The following EEF2K variants were observed in gnomAD, a reference collection of about 807,000 sequenced individuals.
The protein encoded by EEF2K is alternative protein EEF2K.
In EEF2K, 70 loss-of-function variants were observed where a neutral mutation model predicts 93.8. That is an observed-to-expected ratio of 0.75 (90% CI 0.62 to 0.91). The LOEUF is 0.91. Ranked by LOEUF, EEF2K falls within the 40% of genes least tolerant of loss-of-function variation. The pLI is 0.00. For synonymous variants in EEF2K, 376 were observed against 380.8 expected (o/e 0.99, Z 0.15); for missense variants, 935 against 972.9 (o/e 0.96, Z 0.52).
intron 2 of EEF2K, among the ~76,000 whole-genome samples, chr16:22,234,469 A>G (rs1253582877): frequency 2.0e-5 from 3 of 152,116 alleles, no homozygotes; most frequent in Non-Finnish European, 4.4e-5. Flanking sequence ...AGGCAGGGGA[A>G]TCACTTGAAC....
In EEF2K at chr16:22,250,650, T is replaced by A; in HGVS notation, c.409-4T>A. The A allele has an allele frequency of 6.2e-7, 1 of 1,614,200 alleles. No individual in the cohort carries two copies. Among genetic ancestry groups the A allele is most frequent in the East Asian group, 2.2e-5 (1 of 44,884 alleles). On this transcript the variant is annotated splice_polypyrimidine_tract_variant and splice_region_variant and intron_variant, in intron 4 of 17. Transcript: ENST00000263026. Reference sequence around the variant, plus strand: ...CTGATAACACTCTGTGTGGTGTCTTTCAGCCCTTCGGCCGAGGAGCAATGA... The same window carrying A: ...CTGATAACACTCTGTGTGGTGTCTTACAGCCCTTCGGCCGAGGAGCAATGA...
intron 13 of EEF2K, 136 bp from the exon 14 acceptor site, chr16:22,266,254 C>T: frequency 7.5e-7 from 1 of 1,335,202 alleles, no homozygotes; most frequent in African/African-American, 1.5e-5. Flanking sequence ...CATGTTTTGC[C>T]AATAAACTTT....
intron 6 of EEF2K, among the ~76,000 whole-genome samples, chr16:22,256,372 A>AGC (rs2047398898): frequency 6.6e-6 from 1 of 152,062 alleles, no homozygotes; most frequent in African/African-American, 2.4e-5. Flanking sequence ...GGCTGGGATT[A>AGC]CAGGTGTGAG....
At chr16:22,274,963 G>C (rs1339070054) in intron 16 of EEF2K, among the ~76,000 whole-genome samples, 1 of 152,302 alleles carries the variant, frequency 6.6e-6, no homozygotes, top group South Asian at 2.1e-4. Context: ...ATGTAAAGGG[G>C]CTTGCCCATG....
At chr16:22,260,619 G>T in intron 11 of EEF2K, 90 bp downstream of exon 11, 9 of 1,548,336 alleles carry the variant, frequency 5.8e-6, no homozygotes, top group Non-Finnish European at 7.1e-6. Flanking sequence ...AGCTTCGGAG[G>T]TGGGCAGCCT....
intron 16 of EEF2K, among the ~76,000 whole-genome samples, chr16:22,273,989 C>A (rs575912592): frequency 6.6e-6 from 1 of 152,326 alleles, no homozygotes; most frequent in African/African-American, 2.4e-5. Flanking sequence ...CTGACTGTAA[C>A]CCTTGCGGTG....
intron 2 of EEF2K, among the ~76,000 whole-genome samples, chr16:22,231,998 CAA>C (rs35198909): frequency 6.1e-5 from 4 of 65,996 alleles, no homozygotes; most frequent in Non-Finnish European, 8.4e-5. Flanking sequence ...CTTAAACAAA[CAA>C]AAAAAAAAAA....
chr16:22,211,234 A>G (rs983138642), intron 1 of EEF2K, among the ~76,000 whole-genome samples: 1 of 152,172 alleles, frequency 6.6e-6, no homozygotes, highest in African/African-American at 2.4e-5. Context: ...GCTGAGGTTC[A>G]GAAGGTTAAG....
chr16:22,216,627 C>T (rs1278570877), intron 1 of EEF2K, among the ~76,000 whole-genome samples: 1 of 152,122 alleles, frequency 6.6e-6, no homozygotes, highest in Non-Finnish European at 1.5e-5. Context: ...GGCACTGTGA[C>T]TCATGCCTGT....
In EEF2K at chr16:22,264,864, T is replaced by C. The variant is rs755360481; in HGVS notation, c.1424T>C (p.Leu475Pro). The change falls in exon 13 of 18, where the codon CTG becomes CCG. Residue 475 changes from leucine to proline, a missense_variant. Physicochemically the swap from Leu to Pro is moderately conservative, Grantham distance 98. Coordinates refer to ENST00000263026, the MANE Select transcript of EEF2K (RefSeq NM_013302.5). ...AAGTACGAGTCTGACGAAGACAGCC[T>C]GGGCAGCTCTGGACGGGTAATGCGC... The part of the protein sequence containing the change: ...NRKYESDEDS[L>P]GSSGRVCVEK... The C allele has an allele frequency of 2.4e-5, 38 of 1,614,070 alleles. No individual in the cohort carries two copies. The highest frequency in any genetic ancestry group is 3.1e-5 in the Non-Finnish European group (36 of 1,179,968).
chr16:22,240,546 A>G (rs946982250), intron 2 of EEF2K, among the ~76,000 whole-genome samples: 3 of 152,196 alleles, frequency 2.0e-5, no homozygotes, highest in African/African-American at 7.2e-5. Context: ...TGTTTGTACT[A>G]GGAAATGTTG....
At chr16:22,227,693 C>A (rs1423655452) in intron 2 of EEF2K, among the ~76,000 whole-genome samples, 1 of 152,102 alleles carries the variant, frequency 6.6e-6, no homozygotes, top group Non-Finnish European at 1.5e-5. Context: ...TAACAATCTC[C>A]CCATTTATCA....
At chr16:22,207,737 G>A (rs894240213) in intron 1 of EEF2K, among the ~76,000 whole-genome samples, 4 of 152,098 alleles carry the variant, frequency 2.6e-5, no homozygotes, top group Non-Finnish European at 4.4e-5. Flanking sequence ...TGATCCCCAG[G>A]CCCACAGAAG....
intron 16 of EEF2K, among the ~76,000 whole-genome samples, chr16:22,276,237 T>A (rs980859079): frequency 2.6e-5 from 4 of 152,188 alleles, no homozygotes; most frequent in African/African-American, 9.6e-5. Flanking sequence ...TGAGCCGCTG[T>A]ACCTGGCCAC....
chr16:22,221,423 G>A (rs2047010391), intron 1 of EEF2K, among the ~76,000 whole-genome samples: 1 of 151,840 alleles, frequency 6.6e-6, no homozygotes, highest in African/African-American at 2.4e-5. Context: ...ACAGTGAGCT[G>A]TGATCACACC....
At chr16:22,232,469 G>T (rs2047125759) in intron 2 of EEF2K, among the ~76,000 whole-genome samples, 1 of 152,102 alleles carries the variant, frequency 6.6e-6, no homozygotes, top group South Asian at 2.1e-4. Context: ...GCCTCAAGCA[G>T]TCCTCCTGCC....
chr16:22,273,506 A>G (rs1028796154), intron 15 of EEF2K, 120 bp from the exon 16 acceptor site: 5 of 1,456,342 alleles, frequency 3.4e-6, no homozygotes, highest in African/African-American at 2.8e-5. Context: ...TCTCACTTCT[A>G]TAGCCTCCCA....
intron 1 of EEF2K, among the ~76,000 whole-genome samples, chr16:22,223,262 GT>G (rs58446693): frequency 0.018 from 1,930 of 107,432 alleles, 20 homozygotes; most frequent in African/African-American, 0.036. Flanking sequence ...GTTTTTTTCT[GT>G]TTTTTTTTTT....
chr16:22,245,469 G>T (rs1474634231), intron 3 of EEF2K, among the ~76,000 whole-genome samples: 1 of 151,982 alleles, frequency 6.6e-6, no homozygotes, highest in Non-Finnish European at 1.5e-5. Context: ...TAACCTGCCA[G>T]GCCTCTGCTT....
Sources: gnomAD v4.1 joint callset for allele counts (sites outside exome capture counted in the v4.1 genomes callset) on GRCh38, gnomAD v4.1.1 for gene constraint, MANE v1.5 for transcripts, NCBI Gene and HGNC (gene_info 2026-07-23, HGNC 2026-07-21) for gene names.